Variants in TMTC2 observed in about 807,000 individuals in gnomAD.
TMTC2 encodes the protein transmembrane O-mannosyltransferase targeting cadherins 2.
TMTC2 carries 43 observed loss-of-function variants against 82.4 expected under a neutral mutation model. The observed-to-expected ratio is 0.52, with a 90% CI of 0.41 to 0.67. TMTC2 has a LOEUF of 0.67. Among genes scored for constraint, TMTC2 ranks in the 30% least tolerant of loss-of-function variants. The pLI, the probability that TMTC2 is intolerant of heterozygous loss-of-function variation, is 0.00. For synonymous variants in TMTC2, 408 were observed against 381.9 expected (o/e 1.07, Z -0.80); for missense variants, 919 against 1,012.4 (o/e 0.91, Z 1.25).
rs1796169 is a variant in TMTC2, at chr12:82,946,928, A to G, written c.1598+16383A>G. Reference sequence around the variant, plus strand: ...GGCTAATTTTGTGTATTTTTTAGTAAAGACGGGGTTTCGCAGTGTTAGCCA... The same window carrying G: ...GGCTAATTTTGTGTATTTTTTAGTAGAGACGGGGTTTCGCAGTGTTAGCCA... On this transcript the variant is annotated intron_variant, in intron 4 of 11. Coordinates refer to ENST00000321196, the MANE Select transcript of TMTC2 (RefSeq NM_152588.3). Among the ~76,000 whole-genome samples, 1,403 of 151,810 alleles carry G rather than the reference A, an allele frequency of 9.2e-3. 23 individuals are homozygous for G. Among genetic ancestry groups the G allele is most frequent in the African/African-American group, 0.032 (1,329 of 41,422 alleles).
intron 3 of TMTC2, among the ~76,000 whole-genome samples, chr12:82,921,096 T>TC (rs1473151670): frequency 3.3e-5 from 5 of 152,144 alleles, no homozygotes; most frequent in Non-Finnish European, 7.4e-5. Context: ...GGTTTTTTTT[T>TC]CCCCCTAGCA....
chr12:82,751,207 A>G (rs1875980948), intron 1 of TMTC2, among the ~76,000 whole-genome samples: 1 of 152,208 alleles, frequency 6.6e-6, no homozygotes, highest in Non-Finnish European at 1.5e-5. Context: ...CTATGCAGCT[A>G]TAAAAAATGA....
At chr12:82,879,654 C>T (rs1592597004) in intron 2 of TMTC2, among the ~76,000 whole-genome samples, 1 of 152,218 alleles carries the variant, frequency 6.6e-6, no homozygotes, top group Non-Finnish European at 1.5e-5. Flanking sequence ...AGTCCTAATT[C>T]TTCTACCCAT....
chr12:82,921,195 C>T (rs1875374954), intron 3 of TMTC2, among the ~76,000 whole-genome samples: 1 of 151,830 alleles, frequency 6.6e-6, no homozygotes, highest in Non-Finnish European at 1.5e-5. Flanking sequence ...TATTAAGTAC[C>T]ATCTTATGAT....
rs1592884138 is a variant in TMTC2 at position 82,732,365 on chromosome 12, C to T, written c.83+44696C>T. Among the ~76,000 whole-genome samples the T allele has an allele frequency of 2.6e-5, 4 of 151,570 alleles. No individual in the cohort carries two copies. The South Asian group carries it at 6.2e-4, about 24-fold the overall frequency. Reference sequence around the variant, plus strand: ...CTCATCATGTTTTTTTTTTATGAGACGGATTCTTGTCCTGTCGCCCAGGCT... The same window carrying T: ...CTCATCATGTTTTTTTTTTATGAGATGGATTCTTGTCCTGTCGCCCAGGCT... On this transcript the variant is annotated intron_variant, in intron 1 of 11. Transcript: ENST00000321196.
intron 2 of TMTC2, among the ~76,000 whole-genome samples, chr12:82,865,312 G>A (rs1871789626): frequency 1.3e-5 from 2 of 152,084 alleles, no homozygotes; most frequent in Admixed American, 6.5e-5. Flanking sequence ...AGGGATGGAG[G>A]AAGATCTACC....
intron 4 of TMTC2, among the ~76,000 whole-genome samples, chr12:82,956,293 A>G (rs1877610660): frequency 6.6e-6 from 1 of 151,990 alleles, no homozygotes; most frequent in African/African-American, 2.4e-5. Flanking sequence ...AAGTGGAATG[A>G]AAAATATATA....
At chr12:83,075,455 A>G (rs1466141473) in intron 11 of TMTC2, among the ~76,000 whole-genome samples, 1 of 152,154 alleles carries the variant, frequency 6.6e-6, no homozygotes, top group Non-Finnish European at 1.5e-5. Context: ...AAATTGACAG[A>G]CACACCCCTC....
At chr12:82,692,215 T>TAC (rs1421776329) in intron 1 of TMTC2, among the ~76,000 whole-genome samples, 9 of 152,108 alleles carry the variant, frequency 5.9e-5, no homozygotes, top group East Asian at 1.9e-4. Context: ...CATACACACA[T>TAC]ACACACACAC....
At chr12:82,768,252 G>T (rs1284061463) in intron 1 of TMTC2, among the ~76,000 whole-genome samples, 1 of 152,232 alleles carries the variant, frequency 6.6e-6, no homozygotes, top group African/African-American at 2.4e-5. Context: ...CTCTGCAGTT[G>T]CATCTGTAGT....
chr12:82,832,187 C>A (rs567787297), intron 1 of TMTC2, among the ~76,000 whole-genome samples: 1 of 152,114 alleles, frequency 6.6e-6, no homozygotes, highest in Admixed American at 6.5e-5. Flanking sequence ...TGATTATTTT[C>A]TTTTCCTGGC....
chr12:82,696,582 G>A (rs1419339169), intron 1 of TMTC2, among the ~76,000 whole-genome samples: 1 of 152,104 alleles, frequency 6.6e-6, no homozygotes, highest in African/African-American at 2.4e-5. Context: ...CTCTATTTAA[G>A]TTTAAATTTA....
chr12:82,825,101 A>G (rs1414138952), intron 1 of TMTC2, among the ~76,000 whole-genome samples: 2 of 152,038 alleles, frequency 1.3e-5, no homozygotes, highest in East Asian at 1.9e-4. Context: ...AAAAAAAGAA[A>G]AAAAAAAAAG....
At chr12:83,021,950 G>A (rs1880950409) in intron 8 of TMTC2, 1 of 152,096 alleles carries the variant, frequency 6.6e-6, no homozygotes, top group Non-Finnish European at 1.5e-5. Flanking sequence ...GATGGCTCTT[G>A]TACAAGGACG....
At chr12:82,697,560 TTTTA>T (rs1872871215) in intron 1 of TMTC2, among the ~76,000 whole-genome samples, 1 of 152,138 alleles carries the variant, frequency 6.6e-6, no homozygotes, top group Admixed American at 6.6e-5. Context: ...TTAATCTGTG[TTTTA>T]TTTTTCTTAT....
At chr12:83,058,838 G>A (rs1010917304) in intron 10 of TMTC2, among the ~76,000 whole-genome samples, 1 of 151,764 alleles carries the variant, frequency 6.6e-6, no homozygotes, top group Admixed American at 6.6e-5. Context: ...TTGGACACTT[G>A]GGAAAAGTTT....
At chr12:82,767,658 T>C (rs1005344018) in intron 1 of TMTC2, among the ~76,000 whole-genome samples, 3 of 152,178 alleles carry the variant, frequency 2.0e-5, no homozygotes, top group African/African-American at 7.2e-5. Context: ...CTTTACTGAA[T>C]ATTGGTTTCT....
At chr12:83,103,240 G>A (rs927302640) in intron 11 of TMTC2, among the ~76,000 whole-genome samples, 6 of 152,230 alleles carry the variant, frequency 3.9e-5, no homozygotes, top group African/African-American at 1.4e-4. Context: ...CACCAGTATA[G>A]TGAAGCAGAG....
intron 1 of TMTC2, among the ~76,000 whole-genome samples, chr12:82,772,702 C>G (rs1316158075): frequency 3.9e-5 from 6 of 152,126 alleles, no homozygotes; most frequent in African/African-American, 1.4e-4. Context: ...CCATGTTCCA[C>G]CCCCTGAAAT....
Sources: gnomAD v4.1 joint callset for allele counts (sites outside exome capture counted in the v4.1 genomes callset) on GRCh38, gnomAD v4.1.1 for gene constraint, MANE v1.5 for transcripts, NCBI Gene and HGNC (gene_info 2026-07-23, HGNC 2026-07-21) for gene names.